TMEM135: variants seen among roughly 807,000 people sequenced by gnomAD.
TMEM135 encodes the protein peroxisomal membrane protein 52.
TMEM135 carries 30 observed loss-of-function variants against 60.3 expected under a neutral mutation model. The observed-to-expected ratio is 0.50, with a 90% CI of 0.37 to 0.68. The LOEUF (loss-of-function observed/expected upper bound fraction) is 0.68, where lower values mean the gene tolerates loss of function less well. TMEM135 is among the 30% of genes least tolerant of loss of function. The probability of loss-of-function intolerance (pLI) is 0.00; values close to 1 mark genes in which losing one functional copy is unlikely to be tolerated. For missense variants in TMEM135, 468 were observed against 548.8 expected, an observed-to-expected ratio of 0.85 and a Z score of 1.47; for synonymous variants, 190 against 186.7, an observed-to-expected ratio of 1.02 and a Z score of -0.14.
At chr11:87,109,795 A>G (rs1857696084) in intron 4 of TMEM135, among the ~76,000 whole-genome samples, 1 of 81,058 alleles carries the variant, frequency 1.2e-5, no homozygotes, top group South Asian at 3.4e-4. Context: ...AGCTTTTGCT[A>G]ACATACTTTG....
chr11:87,268,793 C>T (rs1265451549), intron 6 of TMEM135, among the ~76,000 whole-genome samples: 5 of 151,828 alleles, frequency 3.3e-5, no homozygotes, highest in African/African-American at 7.3e-5. Context: ...GAGTGTATTT[C>T]GGTCAGAAGT....
intron 5 of TMEM135, among the ~76,000 whole-genome samples, chr11:87,226,033 C>T (rs1940758495): frequency 1.3e-5 from 2 of 152,060 alleles, no homozygotes; most frequent in African/African-American, 4.8e-5. Context: ...TTTAGTTCCT[C>T]ACTCTTCCTG....
chr11:87,310,006 C>T (rs1017640806), intron 10 of TMEM135, among the ~76,000 whole-genome samples: 22 of 151,918 alleles, frequency 1.4e-4, no homozygotes, highest in African/African-American at 4.1e-4. Flanking sequence ...ATTAATATGC[C>T]TGGCTTATTT....
Position 87,059,658 on chromosome 11 carries a change from A to G in TMEM135, c.142-8036A>G, listed in dbSNP as rs116686049. Among the ~76,000 whole-genome samples the G allele has an allele frequency of 3.3e-3, 504 of 152,302 alleles. 3 individuals are homozygous for G. The highest frequency in any genetic ancestry group is 0.012 in the African/African-American group (484 of 41,570). On this transcript the variant is annotated intron_variant, in intron 1 of 14. Coordinates refer to ENST00000305494, the MANE Select transcript of TMEM135 (RefSeq NM_022918.4). ...TTACCAGAGAGGAAATCTCTTCTTA[A>G]CACTTAATAAAACAAAACTGCACAA...
At position 87,322,086 on chromosome 11, in the gene TMEM135, T is replaced by C; in HGVS notation, c.*753T>C. On this transcript the variant is annotated 3_prime_UTR_variant, in exon 15 of 15. Coordinates refer to ENST00000305494, the MANE Select transcript of TMEM135 (RefSeq NM_022918.4). ...TCCGATAAAGTTGAAATGTATGTTTTAATCTTTCACAGAAGTATTACACTT... is the reference window on the plus strand; with the variant it reads ...TCCGATAAAGTTGAAATGTATGTTTCAATCTTTCACAGAAGTATTACACTT... 2.2e-6 allele frequency: 1 copy of C among 454,358 alleles called. No individual in the cohort carries two copies. Among genetic ancestry groups the C allele is most frequent in the South Asian group, 1.6e-5 (1 of 64,472 alleles). 28.1% of individuals were successfully genotyped at this position (454,358 alleles called of 1,614,324 possible). A position where few individuals can be genotyped will look rare whatever the true frequency, so the allele number is the denominator to read the frequency against.
chr11:87,284,872 G>C (rs1197929924), intron 6 of TMEM135, among the ~76,000 whole-genome samples: 2 of 152,160 alleles, frequency 1.3e-5, no homozygotes, highest in Non-Finnish European at 2.9e-5. Flanking sequence ...CTCATACTAA[G>C]TGCCATATGA....
intron 5 of TMEM135, among the ~76,000 whole-genome samples, chr11:87,203,673 G>T (rs1036891787): frequency 6.6e-6 from 1 of 152,172 alleles, no homozygotes; most frequent in Admixed American, 6.5e-5. Flanking sequence ...AAACATTTGT[G>T]TGCTGGTTTT....
chr11:87,183,707 G>A (rs933393817), intron 5 of TMEM135, among the ~76,000 whole-genome samples: 7 of 151,948 alleles, frequency 4.6e-5, no homozygotes, highest in Non-Finnish European at 8.8e-5. Flanking sequence ...TGTAATCCCA[G>A]CACTTTGGGA....
At chr11:87,167,953 G>A (rs950330701) in intron 5 of TMEM135, among the ~76,000 whole-genome samples, 3 of 151,764 alleles carry the variant, frequency 2.0e-5, no homozygotes, top group Admixed American at 6.6e-5. Context: ...CTTTTTTTGG[G>A]TGGCAGGCTA....
chr11:87,212,320 C>A (rs1940389685), intron 5 of TMEM135, among the ~76,000 whole-genome samples: 1 of 151,788 alleles, frequency 6.6e-6, no homozygotes. Flanking sequence ...ATGGATTAAA[C>A]AGAAACATGT....
At position 87,258,772 on chromosome 11, in the gene TMEM135, C is replaced by G. The variant is rs964019844; in HGVS notation, c.509+22088C>G. The stretch of plus-strand genomic sequence containing the variant: ...CAATGTGCCAAAGTTAAAAAAAAAT[C>G]CAAATAATCAGCAGTTCAAACACAA... On this transcript the variant is annotated intron_variant, in intron 6 of 14. Coordinates refer to ENST00000305494, the MANE Select transcript of TMEM135 (RefSeq NM_022918.4). The G allele has an allele frequency of 6.4e-5, 31 of 483,674 alleles. No individual in the cohort carries two copies. In the Admixed American group the frequency reaches 9.5e-4, roughly 15 times the overall value. 30.0% of individuals were successfully genotyped at this position (483,674 alleles called of 1,614,324 possible).
intron 5 of TMEM135, among the ~76,000 whole-genome samples, chr11:87,208,083 A>G (rs1940278367): frequency 6.6e-6 from 1 of 152,212 alleles, no homozygotes; most frequent in Admixed American, 6.5e-5. Flanking sequence ...CCCCATCCAA[A>G]GGATGGCAGC....
chr11:87,184,723 A>G (rs958814770), intron 5 of TMEM135, among the ~76,000 whole-genome samples: 2 of 152,006 alleles, frequency 1.3e-5, no homozygotes, highest in African/African-American at 4.8e-5. Context: ...TACTTTTTGT[A>G]TTGAATGCCT....
intron 6 of TMEM135, among the ~76,000 whole-genome samples, chr11:87,260,807 A>G (rs566523939): frequency 6.6e-6 from 1 of 152,260 alleles, no homozygotes; most frequent in Admixed American, 6.5e-5. Context: ...AACTGTTACA[A>G]ATTTAAATGT....
intron 6 of TMEM135, among the ~76,000 whole-genome samples, chr11:87,239,405 T>C (rs492373): frequency 0.66 from 100,087 of 151,852 alleles, 33,569 homozygotes; most frequent in Non-Finnish European, 0.71. Context: ...GATTTGTCTG[T>C]ATGCTAGCTT....
At chr11:87,288,319 C>T (rs1053689940) in intron 6 of TMEM135, among the ~76,000 whole-genome samples, 4 of 152,112 alleles carry the variant, frequency 2.6e-5, no homozygotes, top group East Asian at 3.8e-4. Flanking sequence ...ATATCTATCC[C>T]AGTAGTTGGT....
At chr11:87,117,311 A>G (rs1172448102) in intron 4 of TMEM135, among the ~76,000 whole-genome samples, 2 of 152,294 alleles carry the variant, frequency 1.3e-5, no homozygotes, top group African/African-American at 2.4e-5. Flanking sequence ...ATATAAGACA[A>G]CAATGAAATT....
At chr11:87,241,685 G>A (rs1372628131) in intron 6 of TMEM135, among the ~76,000 whole-genome samples, 2 of 151,810 alleles carry the variant, frequency 1.3e-5, no homozygotes, top group African/African-American at 4.8e-5. Context: ...CCAGCCTCTG[G>A]TAACCCGTAT....
intron 6 of TMEM135, among the ~76,000 whole-genome samples, chr11:87,243,994 A>G (rs199811289): frequency 1.2e-3 from 99 of 81,382 alleles, no homozygotes; most frequent in Non-Finnish European, 1.4e-3. Flanking sequence ...GGTTTGTCAT[A>G]GATAGCTCTT....
Sources: gnomAD v4.1 joint callset for allele counts (sites outside exome capture counted in the v4.1 genomes callset) on GRCh38, gnomAD v4.1.1 for gene constraint, MANE v1.5 for transcripts, NCBI Gene and HGNC (gene_info 2026-07-23, HGNC 2026-07-21) for gene names.